Variants in CELF2 observed in about 807,000 individuals in gnomAD.
The protein encoded by CELF2 is CUG triplet repeat RNA-binding protein 2.
A neutral mutation model predicts 62.6 loss-of-function variants in CELF2; 8 were observed. That is an observed-to-expected ratio of 0.13 (90% CI 0.07 to 0.23). The LOEUF is 0.23. Among genes scored for constraint, CELF2 ranks in the 10% least tolerant of loss-of-function variants. The pLI, the probability that CELF2 is intolerant of heterozygous loss-of-function variation, is 1.00. For missense variants in CELF2, 333 were observed against 671.0 expected (o/e 0.50, Z 5.56); for synonymous variants, 258 against 250.0 (o/e 1.03, Z -0.30).
chr10:10,981,621 G>A (rs1413335572), intron 2 of CELF2, among the ~76,000 whole-genome samples: 1 of 152,142 alleles, frequency 6.6e-6, no homozygotes, highest in Admixed American at 6.6e-5. Flanking sequence ...AACAGTGTTT[G>A]CCATAGTTAC....
intron 2 of CELF2, among the ~76,000 whole-genome samples, chr10:11,200,151 T>C (rs989095236): frequency 6.6e-6 from 1 of 152,216 alleles, no homozygotes; most frequent in East Asian, 1.9e-4. Flanking sequence ...GTATTAACTC[T>C]TTGGGCCCAC....
At chr10:11,096,136 T>C (rs539247220) in intron 1 of CELF2, among the ~76,000 whole-genome samples, 1 of 152,312 alleles carries the variant, frequency 6.6e-6, no homozygotes, top group Non-Finnish European at 1.5e-5. Context: ...GCAGAGGAAA[T>C]GCATTTACTT....
At chr10:11,048,076 C>T (rs2063184956) in intron 1 of CELF2, among the ~76,000 whole-genome samples, 1 of 152,164 alleles carries the variant, frequency 6.6e-6, no homozygotes, top group African/African-American at 2.4e-5. Context: ...CATTGTTTGG[C>T]CCACACCTCC....
In CELF2 at chr10:11,321,707, C is replaced by A; in HGVS notation, c.1294+321C>A. ...CATACCCCTCTCTCTCAAACAAAAG[C>A]AAAAACCTATTTATTTCAGTCTTTC... On this transcript the variant is annotated intron_variant, in intron 11 of 12. Coordinates refer to ENST00000633077, the MANE Select transcript of CELF2 (RefSeq NM_001326342.2). This position sits in a 1 kb window ranked among gnomAD's most constrained non-coding sequence, Gnocchi z 6.2. 6.6e-6 allele frequency among the ~76,000 whole-genome samples: 1 copy of A among 152,090 alleles called. No homozygotes were observed. The highest frequency in any genetic ancestry group is 1.5e-5 in the Non-Finnish European group (1 of 68,012).
At chr10:10,507,848 G>A in the CELF2 span, among the ~76,000 whole-genome samples, 129 of 152,304 alleles carry the variant, frequency 8.5e-4, no homozygotes, top group African/African-American at 3.0e-3. Flanking sequence ...TAAGTGATCA[G>A]ATGTGATCTT....
chr10:11,265,620 T>C (rs1314871693), intron 5 of CELF2, among the ~76,000 whole-genome samples: 1 of 152,226 alleles, frequency 6.6e-6, no homozygotes, highest in African/African-American at 2.4e-5. Context: ...AAAATGTAAA[T>C]TTGAGAAGGC....
intron 1 of CELF2, among the ~76,000 whole-genome samples, chr10:11,087,509 G>C (rs758172984): frequency 1.3e-5 from 2 of 152,188 alleles, no homozygotes; most frequent in African/African-American, 2.4e-5. Context: ...ACGGCCCGTC[G>C]ACTGACGTAG....
chr10:10,665,136 C>T, the CELF2 span, among the ~76,000 whole-genome samples: 119 of 152,042 alleles, frequency 7.8e-4, 1 homozygote, highest in Non-Finnish European at 3.4e-4. Flanking sequence ...ACAGTGAAAA[C>T]CAGTTCAGAA....
rs2053631609 is a variant in CELF2 at position 10,993,390 on chromosome 10, G to T, written c.89+73391G>T. 1.3e-5 allele frequency among the ~76,000 whole-genome samples: 2 copies of T among 152,092 alleles called. No homozygotes were observed. The highest frequency in any genetic ancestry group is 2.9e-5 in the Non-Finnish European group (2 of 68,016). On this transcript the variant is annotated intron_variant, in intron 2 of 13. Transcript: ENST00000636488. This position sits in a 1 kb window ranked among gnomAD's most constrained non-coding sequence, Gnocchi z 5.3. ...AAATTGGGAAACACTTTCAGGGCAG[G>T]TGATATTTGAACTGCAACTGTAAGG... is the stretch of plus-strand genomic sequence containing the variant.
chr10:10,876,716 G>A (rs1273753345), intron 1 of CELF2, among the ~76,000 whole-genome samples: 1 of 152,140 alleles, frequency 6.6e-6, no homozygotes, highest in Admixed American at 6.5e-5. Context: ...CTCCACTTAC[G>A]GGATCATGTC....
chr10:10,598,124 G>A, the CELF2 span, among the ~76,000 whole-genome samples: 1 of 152,046 alleles, frequency 6.6e-6, no homozygotes, highest in South Asian at 2.1e-4. Context: ...AGAGAGAGTT[G>A]GGGTCCTTCC....
In CELF2 at chr10:11,255,998, G is replaced by C. The variant is rs1242046053; in HGVS notation, c.404-1740G>C. Among the ~76,000 whole-genome samples the C allele has an allele frequency of 6.6e-6, 1 of 152,160 alleles. No homozygotes were observed. Among genetic ancestry groups the C allele is most frequent in the East Asian group, 1.9e-4 (1 of 5,194 alleles). On this transcript the variant is annotated intron_variant, in intron 4 of 12. Transcript: ENST00000633077. The surrounding 1 kb of genome is among the most constrained non-coding windows in gnomAD (Gnocchi z 5.5). ...CTCCAGGCTGTGGGCCAGGCTGGAT[G>C]ACCCTAGGCAGGTCCCTCCCCCGCT...
intron 1 of CELF2, among the ~76,000 whole-genome samples, chr10:11,045,294 G>T (rs2062615719): frequency 6.6e-6 from 1 of 152,000 alleles, no homozygotes; most frequent in Non-Finnish European, 1.5e-5. Flanking sequence ...TACAGACAGG[G>T]GTCTCATTAA....
upstream of CELF2, among the ~76,000 whole-genome samples, chr10:11,000,870 G>C (rs2054446028): frequency 5.3e-5 from 8 of 152,216 alleles, no homozygotes. Context: ...TATTCCATTA[G>C]TCTTCGGCTT....
At chr10:10,722,126 T>A in the CELF2 span, among the ~76,000 whole-genome samples, 2 of 151,326 alleles carry the variant, frequency 1.3e-5, no homozygotes, top group Admixed American at 1.3e-4. Flanking sequence ...CAAAGCAAGA[T>A]CCCAACTCTA....
chr10:10,637,492 G>C, the CELF2 span, among the ~76,000 whole-genome samples: 2 of 152,110 alleles, frequency 1.3e-5, no homozygotes, highest in African/African-American at 4.8e-5. Context: ...AACTTTTCAC[G>C]TCAGCCCTGG....
At chr10:10,491,204 C>T in the CELF2 span, among the ~76,000 whole-genome samples, 1 of 152,174 alleles carries the variant, frequency 6.6e-6, no homozygotes, top group African/African-American at 2.4e-5. Flanking sequence ...CTAGGTACTT[C>T]AATCCAGCCC....
At position 11,290,558 on chromosome 10, in the gene CELF2, G is replaced by T. The variant is rs1468992182; in HGVS notation, c.976+2006G>T. Among the ~76,000 whole-genome samples the T allele has an allele frequency of 6.6e-6, 1 of 152,004 alleles. No homozygotes were observed. The highest frequency in any genetic ancestry group is 6.6e-5 in the Admixed American group (1 of 15,266). On this transcript the variant is annotated intron_variant, in intron 9 of 12. Transcript: ENST00000633077. The surrounding 1 kb of genome is among the most constrained non-coding windows in gnomAD (Gnocchi z 4.3). ...AAAAAAAATGTGGGCCACTCAGACG[G>T]TCTAGGGCGACGGCCTAGGTGTTAG... is the stretch of plus-strand genomic sequence containing the variant.
chr10:10,803,311 A>G (rs1265319381), intron 1 of CELF2, among the ~76,000 whole-genome samples: 1 of 152,166 alleles, frequency 6.6e-6, no homozygotes, highest in Non-Finnish European at 1.5e-5. Flanking sequence ...GCAAGGCCCC[A>G]TCTGGCCTGA....
Sources: allele counts gnomAD v4.1 joint callset (sites outside exome capture counted in the v4.1 genomes callset), GRCh38; gene constraint gnomAD v4.1.1; non-coding constraint Gnocchi (gnomAD v3.1); transcripts MANE v1.5; gene names NCBI Gene and HGNC (gene_info 2026-07-23, HGNC 2026-07-21).